Variants in EYS observed in about 807,000 individuals in gnomAD.
EYS encodes EGF-like photoreceptor maintenance factor, also known as protein eyes shut homolog.
A neutral mutation model predicts 282.1 loss-of-function variants in EYS; 250 were observed. The observed-to-expected ratio is 0.89, with a 90% CI of 0.80 to 0.98. The LOEUF (loss-of-function observed/expected upper bound fraction) is 0.98, where lower values mean the gene tolerates loss of function less well. Ranked by LOEUF, EYS falls within the 50% of genes least tolerant of loss-of-function variation. The pLI, the probability that EYS is intolerant of heterozygous loss-of-function variation, is 0.00. For missense variants in EYS, 4,016 were observed against 3,709.0 expected (o/e 1.08, Z -2.15); for synonymous variants, 1,355 against 1,282.9 (o/e 1.06, Z -1.20).
chr6:64,041,756 C>T (rs953511946), intron 33 of EYS, among the ~76,000 whole-genome samples: 12 of 152,060 alleles, frequency 7.9e-5, no homozygotes, highest in African/African-American at 1.4e-4. Context: ...CTTTCATTTT[C>T]GTTATTTTGA....
rs544778483 is a variant in EYS, at chr6:64,616,123, G to T, written c.3684+1295C>A. 2.7e-4 allele frequency among the ~76,000 whole-genome samples: 41 copies of T among 152,144 alleles called. No individual in the cohort carries two copies. In the South Asian group the frequency reaches 3.3e-3, roughly 12 times the overall value. ...ACATATCATATGTAAAATAAGCATT[G>T]ATTTTCTAAGTTATTTAGATTCCTA... On this transcript the variant is annotated intron_variant, in intron 24 of 42. Transcript: ENST00000503581.
At chr6:64,612,816 A>G (rs1196534707) in intron 24 of EYS, among the ~76,000 whole-genome samples, 3 of 152,268 alleles carry the variant, frequency 2.0e-5, no homozygotes, top group South Asian at 4.1e-4. Context: ...TAGCTGAATT[A>G]ACATTTTTAT....
intron 19 of EYS, among the ~76,000 whole-genome samples, chr6:64,881,857 A>T (rs1294687164): frequency 1.3e-5 from 2 of 151,878 alleles, no homozygotes; most frequent in African/African-American, 4.8e-5. Flanking sequence ...AAGCTGATTT[A>T]AGGGCTTACT....
Position 65,295,848 on chromosome 6 carries a change from A to AG in EYS, c.2023+14_2023+15insC. ...TTACTAGAAAATTTAATTTATCAGG[A>AG]AAAAAAAAACTTGCCTTTAAATCCT... On this transcript the variant is annotated intron_variant, in intron 12 of 42. Coordinates refer to ENST00000503581, the MANE Select transcript of EYS (RefSeq NM_001142800.2). 1 of 1,198,842 alleles carries AG rather than the reference A, an allele frequency of 8.3e-7. No individual in the cohort carries two copies. Among genetic ancestry groups the AG allele is most frequent in the Non-Finnish European group, 1.1e-6 (1 of 910,620 alleles). 74.3% of individuals were successfully genotyped at this position (1,198,842 alleles called of 1,614,324 possible).
intron 5 of EYS, among the ~76,000 whole-genome samples, chr6:65,408,916 C>A (rs1330753100): frequency 6.6e-6 from 1 of 152,068 alleles, no homozygotes; most frequent in Non-Finnish European, 1.5e-5. Flanking sequence ...AGCTACATTT[C>A]ATAATTTTTC....
At chr6:63,761,941 C>A (rs1212282797) in intron 41 of EYS, among the ~76,000 whole-genome samples, 1 of 152,072 alleles carries the variant, frequency 6.6e-6, no homozygotes, top group East Asian at 1.9e-4. Context: ...CTTGGGAGCA[C>A]CCAGAGATTG....
At chr6:64,848,188 C>T (rs554742224) in intron 19 of EYS, among the ~76,000 whole-genome samples, 1 of 152,096 alleles carries the variant, frequency 6.6e-6, no homozygotes, top group African/African-American at 2.4e-5. Flanking sequence ...TTGATTACGA[C>T]AGCTTTCAAT....
At chr6:64,581,690 T>C (rs1006852935) in intron 26 of EYS, among the ~76,000 whole-genome samples, 1 of 152,172 alleles carries the variant, frequency 6.6e-6, no homozygotes, top group Non-Finnish European at 1.5e-5. Flanking sequence ...CAGTGGCTTG[T>C]ATAATGCCCT....
chr6:65,671,183 A>G (rs762966905), intron 1 of EYS, among the ~76,000 whole-genome samples: 1 of 151,476 alleles, frequency 6.6e-6, no homozygotes, highest in Non-Finnish European at 1.5e-5. Context: ...TGCAAATGCC[A>G]GATGGTAGTA....
chr6:65,446,025 G>A (rs562280195), intron 5 of EYS, among the ~76,000 whole-genome samples: 26 of 151,560 alleles, frequency 1.7e-4, no homozygotes, highest in African/African-American at 6.0e-4. Context: ...TAAATAACAT[G>A]GTTTTAACCC....
At chr6:64,345,936 A>C (rs1413685835) in intron 29 of EYS, among the ~76,000 whole-genome samples, 3 of 152,084 alleles carry the variant, frequency 2.0e-5, no homozygotes, top group African/African-American at 4.8e-5. Flanking sequence ...ATGCAGCCAA[A>C]AAACACATGA....
At chr6:64,063,649 T>C (rs933375866) in intron 33 of EYS, among the ~76,000 whole-genome samples, 8 of 152,196 alleles carry the variant, frequency 5.3e-5, no homozygotes, top group Non-Finnish European at 1.2e-4. Context: ...CACCCTCTTC[T>C]GCTTCTCTGT....
intron 22 of EYS, among the ~76,000 whole-genome samples, chr6:64,755,841 C>A (rs926656218): frequency 2.0e-5 from 3 of 152,076 alleles, no homozygotes; most frequent in Non-Finnish European, 4.4e-5. Context: ...GACTTCACTA[C>A]TGTATAATAT....
At chr6:65,306,035 A>G (rs1230989958) in intron 11 of EYS, among the ~76,000 whole-genome samples, 1 of 152,186 alleles carries the variant, frequency 6.6e-6, no homozygotes, top group African/African-American at 2.4e-5. Context: ...GGTTTCCTTC[A>G]TATCACCTCA....
At chr6:65,261,063 C>T (rs1767607297) in intron 12 of EYS, among the ~76,000 whole-genome samples, 1 of 151,990 alleles carries the variant, frequency 6.6e-6, no homozygotes, top group Non-Finnish European at 1.5e-5. Flanking sequence ...TTGCACTTCA[C>T]TGATCTTTAA....
chr6:64,018,139 C>T (rs532513902), intron 33 of EYS, among the ~76,000 whole-genome samples: 273 of 151,990 alleles, frequency 1.8e-3, no homozygotes, highest in African/African-American at 5.9e-3. Flanking sequence ...CATATATATA[C>T]GTATATGTAT....
chr6:64,967,743 C>T (rs1332715812), intron 14 of EYS, among the ~76,000 whole-genome samples: 2 of 152,172 alleles, frequency 1.3e-5, no homozygotes, highest in African/African-American at 2.4e-5. Context: ...GCTTGGAAAT[C>T]TCCCATTTAT....
intron 13 of EYS, among the ~76,000 whole-genome samples, chr6:65,031,627 A>AT (rs1314238547): frequency 1.3e-5 from 2 of 152,282 alleles, no homozygotes; most frequent in African/African-American, 2.4e-5. Context: ...CTCCTGAGTG[A>AT]TTTTTTGAGT....
chr6:64,729,923 T>A (rs185665805), intron 22 of EYS, among the ~76,000 whole-genome samples: 1 of 152,278 alleles, frequency 6.6e-6, no homozygotes, highest in African/African-American at 2.4e-5. Flanking sequence ...TTGTTATGCA[T>A]GTAAAGACAT....
Sources: allele counts gnomAD v4.1 joint callset (sites outside exome capture counted in the v4.1 genomes callset), GRCh38; gene constraint gnomAD v4.1.1; transcripts MANE v1.5; gene names NCBI Gene and HGNC (gene_info 2026-07-23, HGNC 2026-07-21).